Variants in NCKAP5 observed in about 807,000 individuals in gnomAD.
NCKAP5 encodes NCK associated protein 5.
Under a neutral mutation model 167.0 loss-of-function variants are expected in NCKAP5, and 92 were observed. The observed-to-expected ratio is 0.55, with a 90% CI of 0.47 to 0.66. NCKAP5 has a LOEUF of 0.66. NCKAP5 is among the 30% of genes least tolerant of loss of function. NCKAP5 has a pLI of 0.00. For synonymous variants in NCKAP5, 891 were observed against 877.4 expected, an observed-to-expected ratio of 1.02 and a Z score of -0.27; for missense variants, 2,378 against 2,315.0, an observed-to-expected ratio of 1.03 and a Z score of -0.56.
upstream of NCKAP5, among the ~76,000 whole-genome samples, chr2:133,571,203 AT>A (rs141839762): frequency 0.19 from 29,244 of 151,880 alleles, 2,921 homozygotes; most frequent in East Asian, 0.32. Flanking sequence ...GCATATTTTT[AT>A]TTTTTTTATG....
intron 8 of NCKAP5, among the ~76,000 whole-genome samples, chr2:132,954,409 G>T (rs2076281786): frequency 6.6e-6 from 1 of 152,110 alleles, no homozygotes; most frequent in Non-Finnish European, 1.5e-5. Context: ...AAATCTAACT[G>T]TCTATGGACA....
intron 2 of NCKAP5, among the ~76,000 whole-genome samples, chr2:133,518,130 G>A (rs1684166139): frequency 6.6e-6 from 1 of 152,090 alleles, no homozygotes; most frequent in Non-Finnish European, 1.5e-5. Context: ...AATGAATGGT[G>A]GGTGATGTCA....
intron 3 of NCKAP5, among the ~76,000 whole-genome samples, chr2:133,419,514 C>T (rs1296118115): frequency 6.6e-6 from 1 of 152,178 alleles, no homozygotes; most frequent in African/African-American, 2.4e-5. Flanking sequence ...ATTATAAGTA[C>T]ATGAGCCTAC....
chr2:133,041,801 T>C (rs2079227300), intron 6 of NCKAP5, among the ~76,000 whole-genome samples: 1 of 152,174 alleles, frequency 6.6e-6, no homozygotes, highest in Non-Finnish European at 1.5e-5. Context: ...AGTGCAAACA[T>C]TGACTTTCTA....
At chr2:133,437,383 A>G (rs1413254009) in intron 3 of NCKAP5, among the ~76,000 whole-genome samples, 1 of 152,004 alleles carries the variant, frequency 6.6e-6, no homozygotes, top group African/African-American at 2.4e-5. Context: ...AGAATGAAGT[A>G]TTTACCTGGG....
the NCKAP5 span, among the ~76,000 whole-genome samples, chr2:133,654,727 G>T: frequency 6.6e-6 from 1 of 152,182 alleles, no homozygotes; most frequent in Non-Finnish European, 1.5e-5. Flanking sequence ...TTGAATGAGT[G>T]ACTGAGTGCT....
At chr2:133,294,170 T>C (rs762244862) in intron 4 of NCKAP5, among the ~76,000 whole-genome samples, 2 of 152,214 alleles carry the variant, frequency 1.3e-5, no homozygotes, top group Non-Finnish European at 2.9e-5. Context: ...AAACAAATCA[T>C]AGTTCTTATT....
At chr2:133,401,084 G>A (rs1441230153) in intron 3 of NCKAP5, among the ~76,000 whole-genome samples, 5 of 152,148 alleles carry the variant, frequency 3.3e-5, no homozygotes, top group African/African-American at 1.2e-4. Context: ...GAGGTGAAAG[G>A]GGCTAGAGAT....
chr2:133,571,523 GAGA>G (rs373687126), upstream of NCKAP5, among the ~76,000 whole-genome samples: 600 of 152,272 alleles, frequency 3.9e-3, 6 homozygotes, highest in African/African-American at 0.014. Flanking sequence ...TGAGGCCTGG[GAGA>G]AGGACGGCTG....
chr2:133,123,614 C>G (rs1465698963), intron 6 of NCKAP5: 1 of 288,368 alleles, frequency 3.5e-6, no homozygotes, highest in African/African-American at 2.2e-5. Context: ...TCCAAATCAA[C>G]AGAAAATTGC....
intron 5 of NCKAP5, among the ~76,000 whole-genome samples, chr2:133,181,603 C>CAAAAAAAAAAA (rs34264277): frequency 0.018 from 1,270 of 71,096 alleles, 42 homozygotes; most frequent in Non-Finnish European, 0.025. Context: ...CCCATCTCTA[C>CAAAAAAAAAAA]AAAAAAAAAA....
intron 9 of NCKAP5, among the ~76,000 whole-genome samples, chr2:132,872,994 C>T (rs1288448593): frequency 6.6e-6 from 1 of 152,140 alleles, no homozygotes; most frequent in Admixed American, 6.5e-5. Context: ...AGCGAAACCA[C>T]CTAGGACAGG....
intron 3 of NCKAP5, among the ~76,000 whole-genome samples, chr2:133,374,579 G>C (rs1686016515): frequency 6.6e-6 from 1 of 151,592 alleles, no homozygotes; most frequent in Non-Finnish European, 1.5e-5. Context: ...TAGGGCAGTG[G>C]GTGGGGGATG....
intron 4 of NCKAP5, among the ~76,000 whole-genome samples, chr2:133,295,950 T>C (rs1346905719): frequency 6.6e-6 from 1 of 152,184 alleles, no homozygotes; most frequent in African/African-American, 2.4e-5. Flanking sequence ...ATTTGACTTA[T>C]GAAAATTTGA....
the NCKAP5 span, among the ~76,000 whole-genome samples, chr2:133,643,782 C>T: frequency 6.6e-6 from 1 of 152,204 alleles, no homozygotes; most frequent in Admixed American, 6.5e-5. Context: ...ATTTCTCCTG[C>T]TCACATTCTA....
At chr2:133,500,940 C>CT (rs1251173517) in intron 3 of NCKAP5, among the ~76,000 whole-genome samples, 1 of 152,182 alleles carries the variant, frequency 6.6e-6, no homozygotes, top group East Asian at 1.9e-4. Context: ...AACACCATCT[C>CT]TACAGCTGTA....
chr2:133,293,675 G>A (rs776573569), intron 4 of NCKAP5, among the ~76,000 whole-genome samples: 2 of 152,072 alleles, frequency 1.3e-5, no homozygotes, highest in South Asian at 2.1e-4. Context: ...CCCTACGACC[G>A]TTCAGGAATA....
intron 5 of NCKAP5, among the ~76,000 whole-genome samples, chr2:133,149,879 T>C (rs894956865): frequency 6.6e-6 from 1 of 152,134 alleles, no homozygotes; most frequent in African/African-American, 2.4e-5. Context: ...CTGTTCTATG[T>C]TAACATTCTT....
intron 8 of NCKAP5, among the ~76,000 whole-genome samples, chr2:132,885,379 T>C (rs1464247360): frequency 6.6e-6 from 1 of 151,946 alleles, no homozygotes; most frequent in East Asian, 1.9e-4. Context: ...TAAATAAGTA[T>C]GTTATTAAAG....
Sources: allele counts gnomAD v4.1 joint callset (sites outside exome capture counted in the v4.1 genomes callset), GRCh38; gene constraint gnomAD v4.1.1; transcripts MANE v1.5; gene names NCBI Gene and HGNC (gene_info 2026-07-23, HGNC 2026-07-21).